TMEM114: variants seen among roughly 807,000 people sequenced by gnomAD.
TMEM114 encodes transmembrane protein 114, also known as claudin-26.
Under a neutral mutation model 6.2 loss-of-function variants are expected in TMEM114, and 6 were observed. That is an observed-to-expected ratio of 0.97 (90% CI 0.53 to 1.91). The LOEUF (loss-of-function observed/expected upper bound fraction) is 1.91, where lower values mean the gene tolerates loss of function less well. Ranked by LOEUF, TMEM114 falls within the 40% of genes most tolerant of loss-of-function variation. The probability of loss-of-function intolerance (pLI) is 0.01; values close to 1 mark genes in which losing one functional copy is unlikely to be tolerated. For missense variants in TMEM114, 218 were observed against 158.3 expected, an observed-to-expected ratio of 1.38 and a Z score of -2.02; for synonymous variants, 104 against 73.0, an observed-to-expected ratio of 1.42 and a Z score of -2.16.
chr16:8,578,582 T>C (rs942228186), intron 2 of TMEM114, among the ~76,000 whole-genome samples: 16 of 152,206 alleles, frequency 1.1e-4, no homozygotes, highest in Non-Finnish European at 1.6e-4. Context: ...CATGAGCATA[T>C]CTTTTTAGGA....
chr16:8,563,324 T>TATGAGTGAGTGA (rs1204024310), intron 2 of TMEM114, among the ~76,000 whole-genome samples: 4 of 67,158 alleles, frequency 6.0e-5, no homozygotes, highest in South Asian at 5.6e-4. Flanking sequence ...GGAGGGAGGG[T>TATGAGTGAGTGA]ATGAGTGAGT....
downstream of TMEM114, among the ~76,000 whole-genome samples, chr16:8,566,581 G>A (rs534142427): frequency 1.3e-5 from 2 of 152,136 alleles, no homozygotes; most frequent in Non-Finnish European, 2.9e-5. Flanking sequence ...GAATGGAACA[G>A]CATCCCAACC....
chr16:8,543,123 G>A (rs767886707), intron 2 of TMEM114, among the ~76,000 whole-genome samples: 18 of 152,046 alleles, frequency 1.2e-4, no homozygotes, highest in African/African-American at 1.9e-4. Context: ...TTCAGACTTC[G>A]GTGTTTCTGA....
chr16:8,548,292 A>G (rs1900735403), intron 2 of TMEM114, among the ~76,000 whole-genome samples: 1 of 152,174 alleles, frequency 6.6e-6, no homozygotes, highest in African/African-American at 2.4e-5. Flanking sequence ...GATTCATTTG[A>G]AGGGTCTGGC....
chr16:8,531,787 C>T, the TMEM114 span: 2 of 152,116 alleles, frequency 1.3e-5, no homozygotes, highest in African/African-American at 4.8e-5. Context: ...CCGAATAGTC[C>T]ATGAGAAAAC....
At chr16:8,550,990 C>T (rs776909272) in intron 2 of TMEM114, among the ~76,000 whole-genome samples, 23 of 152,202 alleles carry the variant, frequency 1.5e-4, no homozygotes, top group Admixed American at 6.5e-5. Context: ...ATGAATGATA[C>T]ATGGTTCTAA....
chr16:8,566,088 G>A (rs1478409555), downstream of TMEM114, among the ~76,000 whole-genome samples: 5 of 152,032 alleles, frequency 3.3e-5, no homozygotes, highest in South Asian at 4.2e-4. Context: ...AGAATGGATC[G>A]GGCCAGGCAC....
chr16:8,586,935 T>C (rs987157610), intron 2 of TMEM114, among the ~76,000 whole-genome samples: 2 of 152,182 alleles, frequency 1.3e-5, no homozygotes, highest in African/African-American at 2.4e-5. Context: ...TCCAGGTGTC[T>C]AGGGTATGTC....
At chr16:8,589,048 C>A (rs1033704287) in intron 2 of TMEM114, among the ~76,000 whole-genome samples, 165 bp downstream of exon 2, 1 of 152,220 alleles carries the variant, frequency 6.6e-6, no homozygotes, top group Admixed American at 6.5e-5. Context: ...TCAGGAGAGA[C>A]CCTGCCCCCC....
chr16:8,569,650 G>C lies in TMEM114; in HGVS notation c.*123C>G. On this transcript the variant is annotated 3_prime_UTR_variant, in exon 4 of 4. Coordinates refer to ENST00000620492, the MANE Select transcript of TMEM114 (RefSeq NM_001146336.2). ...TAGTCCGCGGGGATTTGTGGGGGAA[G>C]GAGGGGGGTGCCTGGCCTCCCCGAG... 1 of 1,440,690 alleles carries C rather than the reference G, an allele frequency of 6.9e-7. No individual in the cohort carries two copies. Among genetic ancestry groups the C allele is most frequent in the Non-Finnish European group, 9.1e-7 (1 of 1,101,380 alleles). 89.2% of individuals were successfully genotyped at this position (1,440,690 alleles called of 1,614,324 possible). A position where few individuals can be genotyped will look rare whatever the true frequency, so the allele number is the denominator to read the frequency against.
chr16:8,556,894 C>T (rs1408161523), intron 2 of TMEM114, among the ~76,000 whole-genome samples: 1 of 152,204 alleles, frequency 6.6e-6, no homozygotes, highest in East Asian at 1.9e-4. Context: ...TCTCAATGCT[C>T]CTCCCTGTGG....
At chr16:8,559,890 G>A (rs1287776680) in intron 2 of TMEM114, among the ~76,000 whole-genome samples, 2 of 152,176 alleles carry the variant, frequency 1.3e-5, no homozygotes, top group Non-Finnish European at 2.9e-5. Flanking sequence ...GTGAGAAGTC[G>A]GGAGCCTGGG....
chr16:8,536,642 CTT>C (rs1283535830), downstream of TMEM114, among the ~76,000 whole-genome samples: 1 of 152,104 alleles, frequency 6.6e-6, no homozygotes, highest in Non-Finnish European at 1.5e-5. Flanking sequence ...TATTCTTTTT[CTT>C]TTTCTTTTTT....
At chr16:8,541,999 G>A (rs903837281) in intron 2 of TMEM114, among the ~76,000 whole-genome samples, 1 of 152,156 alleles carries the variant, frequency 6.6e-6, no homozygotes, top group Non-Finnish European at 1.5e-5. Context: ...ACCACCCTGC[G>A]AGGCAGCTTT....
chr16:8,587,793 A>G (rs1317290078), intron 2 of TMEM114, among the ~76,000 whole-genome samples: 1 of 152,186 alleles, frequency 6.6e-6, no homozygotes, highest in Non-Finnish European at 1.5e-5. Context: ...CAGTGAGCTA[A>G]GACCGTGCCA....
At chr16:8,562,204 G>A (rs1901256785) in intron 2 of TMEM114, among the ~76,000 whole-genome samples, 1 of 150,420 alleles carries the variant, frequency 6.6e-6, no homozygotes, top group East Asian at 2.0e-4. Flanking sequence ...GAATGAGTCA[G>A]TGAATGAGTG....
intron 2 of TMEM114, among the ~76,000 whole-genome samples, chr16:8,588,158 G>T (rs1448867439): frequency 6.6e-6 from 1 of 151,806 alleles, no homozygotes. Context: ...GTGGAGGCAG[G>T]CACCTGTAGT....
chr16:8,584,644 T>C (rs553988020), intron 2 of TMEM114, among the ~76,000 whole-genome samples: 1 of 152,152 alleles, frequency 6.6e-6, no homozygotes, highest in Non-Finnish European at 1.5e-5. Context: ...CATACCTGGC[T>C]GGGCGTAATG....
intron 2 of TMEM114, among the ~76,000 whole-genome samples, chr16:8,559,532 C>A (rs1266647743): frequency 6.6e-6 from 1 of 152,216 alleles, no homozygotes. Flanking sequence ...GAGCAAACTC[C>A]ACCAAGGAAC....
Sources: gnomAD v4.1 joint callset for allele counts (sites outside exome capture counted in the v4.1 genomes callset) on GRCh38, gnomAD v4.1.1 for gene constraint, MANE v1.5 for transcripts, NCBI Gene and HGNC (gene_info 2026-07-23, HGNC 2026-07-21) for gene names.